NRXN3: variants seen among roughly 807,000 people sequenced by gnomAD.
NRXN3 encodes the protein neurexin III.
A neutral mutation model predicts 137.6 loss-of-function variants in NRXN3; 32 were observed. The ratio of observed to expected loss-of-function variants is 0.23; its 90% CI spans 0.18 to 0.31. The LOEUF (loss-of-function observed/expected upper bound fraction) is 0.31. Among genes scored for constraint, NRXN3 ranks in the 10% least tolerant of loss-of-function variants. NRXN3 has a pLI of 1.00. For synonymous variants in NRXN3, 798 were observed against 784.5 expected (o/e 1.02, Z -0.29); for missense variants, 1,574 against 2,062.5 (o/e 0.76, Z 4.59).
At chr14:79,488,203 G>T (rs902567212) in intron 16 of NRXN3, among the ~76,000 whole-genome samples, 2 of 152,172 alleles carry the variant, frequency 1.3e-5, no homozygotes, top group Admixed American at 6.5e-5. Context: ...ATTGGCAATT[G>T]GTTTGAATAG....
intron 4 of NRXN3, among the ~76,000 whole-genome samples, chr14:78,565,373 G>A (rs1160927775): frequency 6.6e-6 from 1 of 152,226 alleles, no homozygotes; most frequent in East Asian, 1.9e-4. Context: ...CAGGTAGAGA[G>A]CTTTTCCAGT....
chr14:78,855,147 A>T (rs1021273185), intron 10 of NRXN3, among the ~76,000 whole-genome samples: 3 of 149,852 alleles, frequency 2.0e-5, no homozygotes, highest in African/African-American at 7.5e-5. Context: ...TTGGGGACAG[A>T]GCGAGACTGC....
chr14:79,077,233 C>T (rs974230356), intron 15 of NRXN3, among the ~76,000 whole-genome samples: 4 of 152,072 alleles, frequency 2.6e-5, no homozygotes, highest in African/African-American at 9.7e-5. Context: ...AATTAAATTC[C>T]CTCATGACCG....
intron 1 of NRXN3, among the ~76,000 whole-genome samples, chr14:78,239,900 C>G (rs542304572): frequency 6.6e-6 from 1 of 152,212 alleles, no homozygotes; most frequent in Non-Finnish European, 1.5e-5. Flanking sequence ...GATGGGGTTT[C>G]GCCACATTGG....
At chr14:79,501,964 G>A (rs560310195) in intron 16 of NRXN3, among the ~76,000 whole-genome samples, 2 of 152,312 alleles carry the variant, frequency 1.3e-5, no homozygotes, top group Non-Finnish European at 2.9e-5. Context: ...AAAAAAAGAT[G>A]TAGAGGCACA....
At chr14:79,783,477 C>T (rs145397319) in intron 19 of NRXN3, among the ~76,000 whole-genome samples, 16 of 152,240 alleles carry the variant, frequency 1.1e-4, no homozygotes, top group African/African-American at 3.4e-4. Flanking sequence ...GAAGACTAAA[C>T]GGTATATTTC....
chr14:78,675,088 T>C (rs917408899), intron 6 of NRXN3, among the ~76,000 whole-genome samples: 4 of 152,178 alleles, frequency 2.6e-5, no homozygotes, highest in African/African-American at 7.2e-5. Context: ...ACTTAGTCAT[T>C]GTCTAGAATG....
At chr14:79,505,195 A>G (rs2153681100) in intron 16 of NRXN3, among the ~76,000 whole-genome samples, 1 of 151,344 alleles carries the variant, frequency 6.6e-6, no homozygotes, top group Admixed American at 6.6e-5. Context: ...AGCCTGGGCA[A>G]CAAGAGTGAA....
At chr14:79,116,816 A>C (rs1026539769) in intron 15 of NRXN3, among the ~76,000 whole-genome samples, 3 of 152,234 alleles carry the variant, frequency 2.0e-5, no homozygotes, top group African/African-American at 4.8e-5. Flanking sequence ...AGACATAGCA[A>C]AAGATATAGC....
intron 17 of NRXN3, among the ~76,000 whole-genome samples, chr14:79,677,646 C>T (rs939788271): frequency 2.6e-4 from 40 of 152,220 alleles, no homozygotes; most frequent in South Asian, 1.5e-3. Flanking sequence ...GACTTTCCCC[C>T]GCTATGACCT....
intron 15 of NRXN3, among the ~76,000 whole-genome samples, chr14:79,413,753 A>G (rs1382210280): frequency 1.3e-5 from 2 of 152,062 alleles, no homozygotes; most frequent in African/African-American, 4.8e-5. Context: ...GGAATGAAAC[A>G]TGCGACTCTT....
intron 15 of NRXN3, among the ~76,000 whole-genome samples, chr14:79,318,270 A>G (rs1454098423): frequency 2.0e-5 from 3 of 152,262 alleles, no homozygotes; most frequent in Non-Finnish European, 4.4e-5. Context: ...CTTTCATGTC[A>G]GATCATCAGC....
chr14:79,176,505 C>G (rs1471811295), intron 15 of NRXN3, among the ~76,000 whole-genome samples: 1 of 152,178 alleles, frequency 6.6e-6, no homozygotes, highest in Non-Finnish European at 1.5e-5. Context: ...CACTTTATCC[C>G]TTGCTTATTA....
chr14:79,801,194 T>C (rs2099178717), intron 19 of NRXN3, among the ~76,000 whole-genome samples: 1 of 152,218 alleles, frequency 6.6e-6, no homozygotes, highest in South Asian at 2.1e-4. Context: ...AGGAACTGAA[T>C]TCATATAAGA....
At chr14:78,207,661 G>A (rs2062340832) in intron 1 of NRXN3, among the ~76,000 whole-genome samples, 1 of 152,180 alleles carries the variant, frequency 6.6e-6, no homozygotes, top group African/African-American at 2.4e-5. Flanking sequence ...AGGAATCTGA[G>A]CTGGAAAGGT....
intron 4 of NRXN3, among the ~76,000 whole-genome samples, chr14:78,520,550 G>A (rs893657655): frequency 6.6e-6 from 1 of 152,172 alleles, no homozygotes; most frequent in African/African-American, 2.4e-5. Context: ...TGGTGGAATA[G>A]AGTGGAAAGA....
intron 15 of NRXN3, among the ~76,000 whole-genome samples, chr14:79,117,608 G>A (rs2054669180): frequency 6.6e-6 from 1 of 152,206 alleles, no homozygotes; most frequent in African/African-American, 2.4e-5. Flanking sequence ...TTTTAAGGCA[G>A]CACAGACAAG....
At position 79,663,752 on chromosome 14, in the gene NRXN3, A is replaced by G. The variant is rs770951822; in HGVS notation, c.3445-26A>G. The G allele has an allele frequency of 1.0e-5, 16 of 1,605,964 alleles. No homozygotes were observed. In the South Asian group the frequency reaches 1.6e-4, roughly 16 times the overall value. On this transcript the variant is annotated intron_variant, in intron 16 of 20. Coordinates refer to ENST00000335750, the MANE Select transcript of NRXN3 (RefSeq NM_001330195.2). ...GAGAACTTCGTGGTTGGTGATAACT[A>G]TGCCTTTTGTGTTTCTTTATTATAG...
intron 4 of NRXN3, among the ~76,000 whole-genome samples, chr14:78,532,693 G>T (rs535447940): frequency 3.3e-4 from 50 of 151,242 alleles, no homozygotes; most frequent in Non-Finnish European, 4.9e-4. Context: ...TTTCTTTGAC[G>T]CCACATCTCT....
Sources: gnomAD v4.1 joint callset for allele counts (sites outside exome capture counted in the v4.1 genomes callset) on GRCh38, gnomAD v4.1.1 for gene constraint, MANE v1.5 for transcripts, NCBI Gene and HGNC (gene_info 2026-07-23, HGNC 2026-07-21) for gene names.